Variants in ELFN2 observed in about 807,000 individuals in gnomAD.
The protein encoded by ELFN2 is protein phosphatase 1 regulatory subunit 29.
Under a neutral mutation model 45.5 loss-of-function variants are expected in ELFN2, and 17 were observed. That is an observed-to-expected ratio of 0.37 (90% CI 0.26 to 0.56). ELFN2 has a LOEUF of 0.56. Among genes scored for constraint, ELFN2 ranks in the 20% least tolerant of loss-of-function variants. The pLI, the probability that ELFN2 is intolerant of heterozygous loss-of-function variation, is 0.77. For synonymous variants in ELFN2, 550 were observed against 551.5 expected, an observed-to-expected ratio of 1.00 and a Z score of 0.04; for missense variants, 922 against 1,183.2, an observed-to-expected ratio of 0.78 and a Z score of 3.24.
At chr22:37,412,143 G>A (rs1017816362) in intron 2 of ELFN2, among the ~76,000 whole-genome samples, 2 of 151,848 alleles carry the variant, frequency 1.3e-5, no homozygotes, top group Non-Finnish European at 2.9e-5. Context: ...TCAGGAGTTC[G>A]AGACCAGCCT....
chr22:37,375,013 G>A lies in ELFN2; in HGVS notation c.522C>T (p.Leu174=), dbSNP rs765188569. ...CCAGCTCACACACCATCAGGCTGGC[G>A]AGGCTGGCAAAGGTGGCACCGTCCA... is the stretch of plus-strand genomic sequence containing the variant. ...SRLDGATFAS[L]ASLMVCELAG... is the part of the protein sequence containing the mutation. The change falls in exon 3 of 3, where the codon CTC becomes CTT. Residue 174 remains leucine (L), a synonymous_variant. Transcript: ENST00000402918. 43 of 1,613,362 alleles carry A rather than the reference G, an allele frequency of 2.7e-5. No individual in the cohort carries two copies. Among genetic ancestry groups the A allele is most frequent in the Admixed American group, 1.7e-4 (10 of 60,004 alleles).
chr22:37,352,067 C>G (rs1383839444), intron 1 of ELFN2: 1 of 150,942 alleles, frequency 6.6e-6, no homozygotes, highest in African/African-American at 2.4e-5. Flanking sequence ...CCAGGTAGCC[C>G]AAGAAGGTGC....
intron 2 of ELFN2, among the ~76,000 whole-genome samples, chr22:37,408,658 G>A (rs1932569534): frequency 6.6e-6 from 1 of 152,162 alleles, no homozygotes; most frequent in African/African-American, 2.4e-5. Flanking sequence ...CCCAATAACT[G>A]GCCTTCCAGG....
rs76326126 is a variant in ELFN2, at chr22:37,394,337, G to A, written c.-462-18341C>T. 8.6e-3 allele frequency among the ~76,000 whole-genome samples: 1,313 copies of A among 152,236 alleles called. 17 individuals are homozygous for A. The highest frequency in any genetic ancestry group is 0.03 in the African/African-American group (1,238 of 41,528). On this transcript the variant is annotated intron_variant, in intron 2 of 2. Transcript: ENST00000402918. The stretch of plus-strand genomic sequence containing the variant: ...GTCCTCCCCTCCCTCTGCTCGGCTC[G>A]GGTGCTGTCTTTTATGGACTCACCG...
intron 2 of ELFN2, among the ~76,000 whole-genome samples, chr22:37,401,604 G>C (rs1171076075): frequency 6.6e-6 from 1 of 152,180 alleles, no homozygotes; most frequent in East Asian, 1.9e-4. Context: ...TGGACCTGCA[G>C]AAATCACTAG....
At chr22:37,421,558 G>A (rs1348738221) in intron 1 of ELFN2, among the ~76,000 whole-genome samples, 1 of 152,248 alleles carries the variant, frequency 6.6e-6, no homozygotes, top group East Asian at 1.9e-4. Flanking sequence ...AGAGGTTCCC[G>A]TGTCTCACCT....
chr22:37,420,444 C>T (rs1259030443), intron 1 of ELFN2: 1 of 153,090 alleles, frequency 6.5e-6, no homozygotes, highest in Admixed American at 6.5e-5. Flanking sequence ...CGCCGCTTCT[C>T]TGCCCTCACC....
chr22:37,365,029 C>T (rs1413135741), downstream of ELFN2, among the ~76,000 whole-genome samples: 1 of 152,196 alleles, frequency 6.6e-6, no homozygotes, highest in Admixed American at 6.5e-5. Flanking sequence ...GGGTCCAGGA[C>T]AGGCTGCCCA....
chr22:37,423,593 G>C (rs1357152266), intron 1 of ELFN2, among the ~76,000 whole-genome samples: 1 of 152,214 alleles, frequency 6.6e-6, no homozygotes, highest in Non-Finnish European at 1.5e-5. Flanking sequence ...GCTGGCTTTT[G>C]TGGGACTAAA....
At chr22:37,413,770 G>A (rs1463509582) in intron 2 of ELFN2, among the ~76,000 whole-genome samples, 1 of 152,174 alleles carries the variant, frequency 6.6e-6, no homozygotes, top group African/African-American at 2.4e-5. Flanking sequence ...CGAGCATCTG[G>A]ATTGATTTCT....
intron 2 of ELFN2, among the ~76,000 whole-genome samples, chr22:37,401,260 G>A (rs910224773): frequency 6.6e-6 from 1 of 152,264 alleles, no homozygotes; most frequent in Non-Finnish European, 1.5e-5. Flanking sequence ...CAGGTGGGCA[G>A]TGTCTAAGAC....
rs201226596 is a variant in ELFN2 at position 37,374,626 on chromosome 22, G to A, written c.909C>T (p.His303=). 59 of 1,614,138 alleles carry A rather than the reference G, an allele frequency of 3.7e-5. No individual in the cohort carries two copies. Among genetic ancestry groups the A allele is most frequent in the South Asian group, 1.4e-4 (13 of 91,086 alleles). Residue 303 remains histidine (H), a synonymous_variant, in exon 3 of 3, where the codon CAC becomes CAT. Coordinates refer to ENST00000402918, the MANE Select transcript of ELFN2 (RefSeq NM_052906.5). ...ASAGPAIKLH[H]VTFTSATLVV... is the part of the protein sequence containing the mutation. Reference sequence around the variant, plus strand: ...CCAGGGTGGCCGAGGTGAACGTGACGTGGTGCAGCTTGATGGCTGGCCCTG... The same window carrying A: ...CCAGGGTGGCCGAGGTGAACGTGACATGGTGCAGCTTGATGGCTGGCCCTG...
chr22:37,410,365 T>C (rs554828429), intron 2 of ELFN2, among the ~76,000 whole-genome samples: 187 of 152,280 alleles, frequency 1.2e-3, no homozygotes, highest in Admixed American at 2.6e-3. Context: ...GCCTGGCCAC[T>C]CACTGCGGTG....
chr22:37,372,190 G>C lies in ELFN2; in HGVS notation c.*882C>G, dbSNP rs1333208203. 1 of 152,648 alleles carries C rather than the reference G, an allele frequency of 6.6e-6. No homozygotes were observed. The highest frequency in any genetic ancestry group is 1.5e-5 in the Non-Finnish European group (1 of 68,100). The allele number at this position is 152,648 out of a possible 1,614,324, so 9.5% of individuals were successfully genotyped here. On this transcript the variant is annotated 3_prime_UTR_variant, in exon 3 of 3. Coordinates refer to ENST00000402918, the MANE Select transcript of ELFN2 (RefSeq NM_052906.5). This position sits in a 1 kb window ranked among gnomAD's most constrained non-coding sequence, Gnocchi z 4.4. ...TTCCCAGGCCACGTGGAAGACACTT[G>C]AAGTGGGCTGGTGGAATGTCGCCCT...
chr22:37,374,671 C>T lies in ELFN2; in HGVS notation c.864G>A (p.Ser288=), dbSNP rs148558749. ...GCCCTGCCGACGCATCCGTGGTGGA[C>T]GAGGCCGGCGGCTCCACCGAAAGGA... The part of the protein sequence containing the change: ...DEILSVEPPA[S]STTDASAGPA... Residue 288 remains serine (S), a synonymous_variant, in exon 3 of 3, where the codon TCG becomes TCA. Transcript: ENST00000402918. The T allele has an allele frequency of 4.3e-6, 7 of 1,611,752 alleles. No homozygotes were observed. Among genetic ancestry groups the T allele is most frequent in the African/African-American group, 1.3e-5 (1 of 74,948 alleles).
At chr22:37,393,231 T>G (rs1042776403) in intron 2 of ELFN2, among the ~76,000 whole-genome samples, 2 of 152,238 alleles carry the variant, frequency 1.3e-5, no homozygotes, top group African/African-American at 4.8e-5. Context: ...TGTCTCATCC[T>G]TTGTCCTTTC....
At chr22:37,394,658 T>C (rs1251927432) in intron 2 of ELFN2, among the ~76,000 whole-genome samples, 2 of 152,134 alleles carry the variant, frequency 1.3e-5, no homozygotes, top group Non-Finnish European at 2.9e-5. Flanking sequence ...CCCCATCGAG[T>C]GCAGACAGCA....
At position 37,373,192 on chromosome 22, in the gene ELFN2, C is replaced by CCGG; in HGVS notation, c.2340_2342dup (p.Arg781dup). 6.2e-7 allele frequency: 1 copy of CCGG among 1,613,828 alleles called. No homozygotes were observed. Among genetic ancestry groups the CCGG allele is most frequent in the Non-Finnish European group, 8.5e-7 (1 of 1,180,018 alleles). On this transcript the variant is annotated inframe_insertion, in exon 3 of 3. Transcript: ENST00000402918. ...GACCGGCGGCCATGTACACCTCCTCCCGGTGGTGCTTCTTGTAGGGCCGGA... is the reference window on the plus strand; with the variant it reads ...GACCGGCGGCCATGTACACCTCCTCCCGGCGGTGGTGCTTCTTGTAGGGCCGGA...
chr22:37,364,289 C>A (rs578149484), downstream of ELFN2, among the ~76,000 whole-genome samples: 10 of 152,288 alleles, frequency 6.6e-5, no homozygotes, highest in African/African-American at 2.4e-4. Context: ...GGGAGGATTG[C>A]CTGGGATTCA....
Sources: gnomAD v4.1 joint callset for allele counts (sites outside exome capture counted in the v4.1 genomes callset) on GRCh38, gnomAD v4.1.1 for gene constraint, Gnocchi (gnomAD v3.1) non-coding constraint, MANE v1.5 for transcripts, NCBI Gene and HGNC (gene_info 2026-07-23, HGNC 2026-07-21) for gene names.